ALX4: variants seen among roughly 807,000 people sequenced by gnomAD.
ALX4 encodes ALX homeobox 4.
Under a neutral mutation model 40.6 loss-of-function variants are expected in ALX4, and 22 were observed. The observed-to-expected ratio is 0.54, with a 90% CI of 0.39 to 0.77. The LOEUF (loss-of-function observed/expected upper bound fraction) is 0.77. ALX4 is among the 30% of genes least tolerant of loss of function. ALX4 has a pLI of 0.00. For synonymous variants in ALX4, 266 were observed against 240.5 expected (o/e 1.11, Z -0.98); for missense variants, 556 against 564.8 (o/e 0.98, Z 0.16).
intron 1 of ALX4, among the ~76,000 whole-genome samples, chr11:44,302,428 A>C (rs1480414216): frequency 6.6e-6 from 1 of 152,226 alleles, no homozygotes; most frequent in Non-Finnish European, 1.5e-5. Context: ...GCAACACTGC[A>C]GGAGACACCA....
At chr11:44,273,195 A>T (rs76724975) in intron 2 of ALX4, among the ~76,000 whole-genome samples, 4 of 149,172 alleles carry the variant, frequency 2.7e-5, no homozygotes, top group African/African-American at 2.5e-5. Flanking sequence ...CTGATTAAAA[A>T]AAAAAAAAAA....
chr11:44,292,095 G>A (rs1956372984), intron 1 of ALX4, among the ~76,000 whole-genome samples: 1 of 152,050 alleles, frequency 6.6e-6, no homozygotes. Flanking sequence ...GGGATTACAG[G>A]TGTGAGCCAC....
At chr11:44,270,897 C>T (rs532290456) in intron 2 of ALX4, among the ~76,000 whole-genome samples, 3 of 152,308 alleles carry the variant, frequency 2.0e-5, no homozygotes, top group South Asian at 2.1e-4. Context: ...TGGCCCAGGG[C>T]GGGGAGGCCT....
chr11:44,273,190 TAAAAAAAA>T (rs35856858), intron 2 of ALX4, among the ~76,000 whole-genome samples: 1 of 137,604 alleles, frequency 7.3e-6, no homozygotes, highest in African/African-American at 2.7e-5. Context: ...CTTTGCTGAT[TAAAAAAAA>T]AAAAAAAAAA....
intron 2 of ALX4, among the ~76,000 whole-genome samples, chr11:44,270,969 C>T (rs935636461): frequency 1.3e-5 from 2 of 152,186 alleles, no homozygotes; most frequent in African/African-American, 4.8e-5. Flanking sequence ...AGAGAGAGGC[C>T]CCTGCAGCCC....
chr11:44,310,110 G>T lies in ALX4; in HGVS notation c.-48C>A. 6.5e-7 allele frequency: 1 copy of T among 1,531,838 alleles called. No individual in the cohort carries two copies. Among genetic ancestry groups the T allele is most frequent in the Non-Finnish European group, 8.8e-7 (1 of 1,136,574 alleles). The allele number at this position is 1,531,838 out of a possible 1,614,324, so 94.9% of individuals were successfully genotyped here. A position where few individuals can be genotyped will look rare whatever the true frequency, so the allele number is the denominator to read the frequency against. On this transcript the variant is annotated 5_prime_UTR_variant, in exon 1 of 4. Coordinates refer to ENST00000652299, the MANE Select transcript of ALX4 (RefSeq NM_021926.4). Reference sequence around the variant, plus strand: ...GCGGGGACGCGAGCGAGGGCGCGAGGACGCCACCGCGCGCCTTGGCTGGGA... The same window carrying T: ...GCGGGGACGCGAGCGAGGGCGCGAGTACGCCACCGCGCGCCTTGGCTGGGA...
At chr11:44,292,263 T>C (rs1590699437) in intron 1 of ALX4, among the ~76,000 whole-genome samples, 1 of 151,644 alleles carries the variant, frequency 6.6e-6, no homozygotes, top group African/African-American at 2.4e-5. Context: ...TGGAGCACAG[T>C]GGTACAATCA....
chr11:44,270,279 T>C (rs1956237966), intron 2 of ALX4, among the ~76,000 whole-genome samples: 1 of 152,086 alleles, frequency 6.6e-6, no homozygotes, highest in South Asian at 2.1e-4. Context: ...GCACCGTCTT[T>C]GGAACAGGAG....
intron 2 of ALX4, among the ~76,000 whole-genome samples, chr11:44,268,566 G>A (rs1956226601): frequency 6.6e-6 from 1 of 152,134 alleles, no homozygotes; most frequent in African/African-American, 2.4e-5. Flanking sequence ...GTGAGCACTG[G>A]GGTTTTTGGT....
At chr11:44,295,247 A>G (rs1315857048) in intron 1 of ALX4, among the ~76,000 whole-genome samples, 1 of 152,222 alleles carries the variant, frequency 6.6e-6, no homozygotes, top group Non-Finnish European at 1.5e-5. Flanking sequence ...AACTGAGGCA[A>G]AGAGGTCAAC....
intron 2 of ALX4, among the ~76,000 whole-genome samples, chr11:44,268,121 C>T (rs1451994163): frequency 6.6e-6 from 1 of 152,192 alleles, no homozygotes; most frequent in Non-Finnish European, 1.5e-5. Flanking sequence ...CTGCAGCCTT[C>T]TTGTTGGAGA....
chr11:44,294,565 C>A (rs373805352), intron 1 of ALX4, among the ~76,000 whole-genome samples: 1 of 152,202 alleles, frequency 6.6e-6, no homozygotes. Flanking sequence ...AGCCTGCCCC[C>A]GCTGCGTTAG....
At chr11:44,294,157 C>A (rs76036395) in intron 1 of ALX4, among the ~76,000 whole-genome samples, 1 of 152,202 alleles carries the variant, frequency 6.6e-6, no homozygotes, top group Non-Finnish European at 1.5e-5. Context: ...CAATTCACAG[C>A]GGGACAGCCT....
rs1036814797 is a variant in ALX4, at chr11:44,265,321, G to A, written c.907-138C>T. 3.5e-6 allele frequency: 3 copies of A among 859,680 alleles called. No individual in the cohort carries two copies. The African/African-American group carries it at 5.1e-5, about 15-fold the overall frequency. The allele number at this position is 859,680 out of a possible 1,614,324, so 53.3% of individuals were successfully genotyped here. A position where few individuals can be genotyped will look rare whatever the true frequency, so the allele number is the denominator to read the frequency against. On this transcript the variant is annotated intron_variant, in intron 3 of 3. Coordinates refer to ENST00000652299, the MANE Select transcript of ALX4 (RefSeq NM_021926.4). ...CCCTCTTGAGTGTTTAGCCTTGATG[G>A]ACATCCAGATACCCCTGTGGGGGTG...
rs1956194977 is a variant in ALX4 at position 44,263,627 on chromosome 11, C to CCAT, written c.*1224_*1226dup. 6.6e-6 allele frequency: 1 copy of CCAT among 152,396 alleles called. No homozygotes were observed. 9.4% of individuals were successfully genotyped at this position (152,396 alleles called of 1,614,324 possible). A position where few individuals can be genotyped will look rare whatever the true frequency, so the allele number is the denominator to read the frequency against. ...TAGTGCCTGGAGGGACACAGAGCCC[C>CCAT]CATCTGCCGTGGAAGGCTCTGGGCA... is the stretch of plus-strand genomic sequence containing the variant. On this transcript the variant is annotated 3_prime_UTR_variant, in exon 4 of 4. Transcript: ENST00000652299.
intron 1 of ALX4, among the ~76,000 whole-genome samples, chr11:44,306,648 A>G (rs779221435): frequency 3.9e-5 from 6 of 152,204 alleles, no homozygotes; most frequent in South Asian, 2.1e-4. Flanking sequence ...GACTTTCCCA[A>G]TGCTCCTGGG....
rs935983151 is a variant in ALX4, at chr11:44,305,443, G to A, written c.466+4154C>T. On this transcript the variant is annotated intron_variant, in intron 1 of 3. Transcript: ENST00000652299. ...AATTAAACAACAGTCGCCCCTTCCT[G>A]AGCAGGCTTCAGTCCCAGGCTCGAG... 2.6e-5 allele frequency among the ~76,000 whole-genome samples: 4 copies of A among 152,316 alleles called. 1 individual carries two copies. In the South Asian group the frequency reaches 8.3e-4, roughly 32 times the overall value.
intron 1 of ALX4, among the ~76,000 whole-genome samples, chr11:44,298,288 G>A (rs1444044098): frequency 3.3e-5 from 5 of 152,216 alleles, no homozygotes; most frequent in East Asian, 1.9e-4. Flanking sequence ...TGCATATGCC[G>A]GGGTGGGACG....
chr11:44,305,349 T>C (rs922366180), intron 1 of ALX4, among the ~76,000 whole-genome samples: 1 of 152,222 alleles, frequency 6.6e-6, no homozygotes, highest in Non-Finnish European at 1.5e-5. Context: ...ACCAGACTGG[T>C]GAAGCAGGCT....
Sources: gnomAD v4.1 joint callset for allele counts (sites outside exome capture counted in the v4.1 genomes callset) on GRCh38, gnomAD v4.1.1 for gene constraint, MANE v1.5 for transcripts, NCBI Gene and HGNC (gene_info 2026-07-23, HGNC 2026-07-21) for gene names.